VPS13B: variants seen among roughly 807,000 people sequenced by gnomAD.
The protein encoded by VPS13B is intermembrane lipid transfer protein VPS13B.
Under a neutral mutation model 426.4 loss-of-function variants are expected in VPS13B, and 285 were observed. The ratio of observed to expected loss-of-function variants is 0.67; its 90% CI spans 0.61 to 0.74. The LOEUF (loss-of-function observed/expected upper bound fraction) is 0.74. VPS13B is among the 30% of genes least tolerant of loss of function. VPS13B has a pLI of 0.00. For missense variants in VPS13B, 4,537 were observed against 4,782.6 expected, an observed-to-expected ratio of 0.95 and a Z score of 1.51; for synonymous variants, 1,676 against 1,676.4, an observed-to-expected ratio of 1.00 and a Z score of 0.01.
chr8:99,835,395 T>A, intron 53 of VPS13B, 71 bp downstream of exon 53: 2 of 1,539,672 alleles, frequency 1.3e-6, no homozygotes, highest in South Asian at 2.3e-5. Context: ...GATTTAGTAG[T>A]TACCTGTGAT....
At chr8:99,678,208 G>A (rs1831019147) in intron 35 of VPS13B, among the ~76,000 whole-genome samples, 1 of 151,950 alleles carries the variant, frequency 6.6e-6, no homozygotes, top group African/African-American at 2.4e-5. Flanking sequence ...AAATTTTCTG[G>A]TCATGTCCTC....
At chr8:99,106,449 A>AC (rs1250128439) in intron 5 of VPS13B, among the ~76,000 whole-genome samples, 3 of 150,742 alleles carry the variant, frequency 2.0e-5, no homozygotes, top group Admixed American at 6.6e-5. Flanking sequence ...AAAAAAAAAA[A>AC]AAAAACCCAA....
chr8:99,241,410 GAGTC>G (rs1214855418), intron 17 of VPS13B: 1 of 152,124 alleles, frequency 6.6e-6, no homozygotes, highest in African/African-American at 2.4e-5. Flanking sequence ...TTTGTGGCTA[GAGTC>G]AGTCAGGTCT....
chr8:99,807,772 T>TC (rs1442617722), intron 43 of VPS13B, among the ~76,000 whole-genome samples: 5 of 149,718 alleles, frequency 3.3e-5, no homozygotes, highest in African/African-American at 4.9e-5. Context: ...CATTTTCCTA[T>TC]CACAAGATCA....
intron 25 of VPS13B, among the ~76,000 whole-genome samples, chr8:99,490,693 G>T (rs191592791): frequency 6.6e-6 from 1 of 152,286 alleles, no homozygotes; most frequent in South Asian, 2.1e-4. Flanking sequence ...TTGCATAGAG[G>T]TGTTTATAAT....
intron 19 of VPS13B, among the ~76,000 whole-genome samples, chr8:99,365,241 T>C (rs1288496958): frequency 6.6e-6 from 1 of 151,770 alleles, no homozygotes; most frequent in Non-Finnish European, 1.5e-5. Context: ...CATTGATCTT[T>C]TGTATTTTCT....
intron 56 of VPS13B, among the ~76,000 whole-genome samples, chr8:99,855,124 C>G (rs1816480438): frequency 6.6e-6 from 1 of 152,160 alleles, no homozygotes; most frequent in African/African-American, 2.4e-5. Context: ...ACCTGTAATC[C>G]CAGCACTTTG....
chr8:99,649,861 T>G (rs1829737338), intron 34 of VPS13B, among the ~76,000 whole-genome samples: 1 of 152,140 alleles, frequency 6.6e-6, no homozygotes, highest in South Asian at 2.1e-4. Context: ...GTTAAACTTA[T>G]AAAAGAAGAC....
At chr8:99,309,338 C>A (rs560416278) in intron 19 of VPS13B, among the ~76,000 whole-genome samples, 82 of 152,148 alleles carry the variant, frequency 5.4e-4, no homozygotes, top group Admixed American at 2.1e-3. Flanking sequence ...GTCTTTAATC[C>A]ATCGTGAATT....
chr8:99,028,886 C>A (rs1168901320), intron 2 of VPS13B, among the ~76,000 whole-genome samples: 836 of 27,810 alleles, frequency 0.03, 87 homozygotes, highest in Non-Finnish European at 0.04. Context: ...TGACCCCCCC[C>A]ACCTCCCTCC....
chr8:99,865,636 A>AT (rs1817062067), intron 58 of VPS13B, among the ~76,000 whole-genome samples: 3 of 152,222 alleles, frequency 2.0e-5, no homozygotes, highest in Admixed American at 2.0e-4. Context: ...GAATTTAGGA[A>AT]TGACTGGCAA....
At chr8:99,674,457 A>G (rs1291620233) in intron 35 of VPS13B, among the ~76,000 whole-genome samples, 1 of 151,976 alleles carries the variant, frequency 6.6e-6, no homozygotes, top group Non-Finnish European at 1.5e-5. Context: ...CTTTTAACCT[A>G]TGTGTGTTCT....
chr8:99,571,505 G>A (rs576711933), intron 31 of VPS13B, among the ~76,000 whole-genome samples: 1 of 152,114 alleles, frequency 6.6e-6, no homozygotes, highest in East Asian at 1.9e-4. Context: ...TAAGGTCAAA[G>A]GTCTTTCATA....
intron 2 of VPS13B, among the ~76,000 whole-genome samples, chr8:99,031,597 G>T (rs1204378827): frequency 6.6e-6 from 1 of 152,160 alleles, no homozygotes; most frequent in African/African-American, 2.4e-5. Context: ...GTTGAGTAGG[G>T]TGTTTAGGCT....
In VPS13B at chr8:99,569,453, A is replaced by G. The variant is rs79054347; in HGVS notation, c.4950-6205A>G. Reference sequence around the variant, plus strand: ...CTTTCTCATACACAAAAGGGAAAAAAAAAAAAAGAAAAAAGAATTGCTCTG... The same window carrying G: ...CTTTCTCATACACAAAAGGGAAAAAGAAAAAAAGAAAAAAGAATTGCTCTG... On this transcript the variant is annotated intron_variant, in intron 31 of 61. Coordinates refer to ENST00000357162, the MANE Select transcript of VPS13B (RefSeq NM_152564.5). Among the ~76,000 whole-genome samples the G allele has an allele frequency of 4.2e-3, 644 of 152,016 alleles. 9 individuals carry two copies. The highest frequency in any genetic ancestry group is 0.015 in the African/African-American group (618 of 41,484).
At position 99,709,203 on chromosome 8, in the gene VPS13B, C is replaced by T. The variant is rs545820913; in HGVS notation, c.6455-7968C>T. 2.0e-5 allele frequency among the ~76,000 whole-genome samples: 3 copies of T among 152,264 alleles called. No homozygotes were observed. In the South Asian group the frequency reaches 6.2e-4, roughly 32 times the overall value. ...TTTTCTAGTAGCCTTAGATTACTTA[C>T]AGCTGGATAAAATAATTACCTGGAT... On this transcript the variant is annotated intron_variant, in intron 36 of 61. Coordinates refer to ENST00000357162, the MANE Select transcript of VPS13B (RefSeq NM_152564.5).
rs192869131 is a variant in VPS13B at position 99,690,955 on chromosome 8, A to G, written c.6047-8570A>G. Reference sequence around the variant, plus strand: ...TCATCATCACCAAAAACTGGAAACAACCCAAATGTTTATTAACTGATAATG... The same window carrying G: ...TCATCATCACCAAAAACTGGAAACAGCCCAAATGTTTATTAACTGATAATG... On this transcript the variant is annotated intron_variant, in intron 35 of 61. Coordinates refer to ENST00000357162, the MANE Select transcript of VPS13B (RefSeq NM_152564.5). Among the ~76,000 whole-genome samples the G allele has an allele frequency of 2.4e-3, 362 of 152,294 alleles. 2 individuals carry two copies. The highest frequency in any genetic ancestry group is 3.2e-3 in the Non-Finnish European group (220 of 68,026).
At chr8:99,108,493 A>G (rs1396260369) in intron 5 of VPS13B, among the ~76,000 whole-genome samples, 1 of 152,112 alleles carries the variant, frequency 6.6e-6, no homozygotes, top group Non-Finnish European at 1.5e-5. Flanking sequence ...TCTTCTGCAT[A>G]TAGATATCCA....
intron 49 of VPS13B, 46 bp from the exon 50 acceptor site, chr8:99,821,248 T>C: frequency 6.3e-7 from 1 of 1,598,058 alleles, no homozygotes; most frequent in Non-Finnish European, 8.5e-7. Context: ...GTAAAAAATA[T>C]CAAAGGTAAG....
Sources: allele counts gnomAD v4.1 joint callset (sites outside exome capture counted in the v4.1 genomes callset), GRCh38; gene constraint gnomAD v4.1.1; transcripts MANE v1.5; gene names NCBI Gene and HGNC (gene_info 2026-07-23, HGNC 2026-07-21).